Variants in FAM163A observed in about 807,000 individuals in gnomAD.
FAM163A encodes the protein family with sequence similarity 163 member A.
A neutral mutation model predicts 12.0 loss-of-function variants in FAM163A; 7 were observed. The observed-to-expected ratio is 0.58, with a 90% CI of 0.33 to 1.10. The LOEUF (loss-of-function observed/expected upper bound fraction) is 1.10, where lower values mean the gene tolerates loss of function less well. Among genes scored for constraint, FAM163A ranks in the 50% least tolerant of loss-of-function variants. The pLI is 0.03. For synonymous variants in FAM163A, 101 were observed against 91.0 expected (o/e 1.11, Z -0.62); for missense variants, 202 against 218.6 (o/e 0.92, Z 0.48).
intron 1 of FAM163A, among the ~76,000 whole-genome samples, chr1:179,764,964 A>G (rs929848644): frequency 3.9e-5 from 6 of 152,258 alleles, no homozygotes; most frequent in Admixed American, 1.3e-4. Flanking sequence ...ATTGTTAGCC[A>G]TGATTACTTT....
intron 1 of FAM163A, among the ~76,000 whole-genome samples, chr1:179,776,034 T>A (rs1688919686): frequency 6.6e-6 from 1 of 152,130 alleles, no homozygotes; most frequent in Non-Finnish European, 1.5e-5. Context: ...GGGAGATTGT[T>A]ACATATGAGG....
At position 179,814,709 on chromosome 1, in the gene FAM163A, T is replaced by TC. The variant is rs1488639421; in HGVS notation, c.*522dup. On this transcript the variant is annotated 3_prime_UTR_variant, in exon 5 of 5. Coordinates refer to ENST00000341785, the MANE Select transcript of FAM163A (RefSeq NM_173509.3). Reference sequence around the variant, plus strand: ...TTCAGGACGCGCTTGCTGAAACGACTCCAACAGCTAGTTCACAGCCCAGCT... The same window carrying TC: ...TTCAGGACGCGCTTGCTGAAACGACTCCCAACAGCTAGTTCACAGCCCAGCT... The TC allele has an allele frequency of 6.4e-6, 1 of 156,600 alleles. No individual in the cohort carries two copies. The highest frequency in any genetic ancestry group is 1.4e-5 in the Non-Finnish European group (1 of 70,806). The allele number at this position is 156,600 out of a possible 1,614,324, so 9.7% of individuals were successfully genotyped here. A position where few individuals can be genotyped will look rare whatever the true frequency, so the allele number is the denominator to read the frequency against.
intron 1 of FAM163A, among the ~76,000 whole-genome samples, chr1:179,755,408 A>T (rs1685876990): frequency 6.6e-6 from 1 of 152,122 alleles, no homozygotes; most frequent in Admixed American, 6.5e-5. Flanking sequence ...GGCATTACGG[A>T]GATTTTTAAA....
the FAM163A span, among the ~76,000 whole-genome samples, chr1:179,735,434 A>G: frequency 6.6e-6 from 1 of 150,720 alleles, no homozygotes; most frequent in South Asian, 2.1e-4. Flanking sequence ...TGGCTCACCA[A>G]AGGTATGGAT....
chr1:179,795,002 A>G (rs1692070612), intron 1 of FAM163A, among the ~76,000 whole-genome samples: 1 of 152,124 alleles, frequency 6.6e-6, no homozygotes, highest in Non-Finnish European at 1.5e-5. Context: ...AACTCTAACC[A>G]CCACCACCTG....
the FAM163A span, among the ~76,000 whole-genome samples, chr1:179,728,127 T>C: frequency 6.6e-6 from 1 of 152,190 alleles, no homozygotes; most frequent in South Asian, 2.1e-4. Flanking sequence ...GCCCAGTGCC[T>C]GTCACATAGT....
At chr1:179,743,713 C>T (rs1483925129) in intron 1 of FAM163A, among the ~76,000 whole-genome samples, 1 of 152,182 alleles carries the variant, frequency 6.6e-6, no homozygotes, top group African/African-American at 2.4e-5. Flanking sequence ...GGGGCATCTC[C>T]GGCCTCGTGG....
rs747756205 is a variant in FAM163A at position 179,781,663 on chromosome 1, C to T, written c.-135-26135C>T. ...TTAAAAATGACGTCTTGGCCAGGCG[C>T]GGTGGCTCATGCCTGTAATCCCAGC... On this transcript the variant is annotated intron_variant, in intron 1 of 4. Transcript: ENST00000341785. Among the ~76,000 whole-genome samples, 73 of 152,078 alleles carry T rather than the reference C, an allele frequency of 4.8e-4. 1 individual carries two copies. The highest frequency in any genetic ancestry group is 9.6e-4 in the Non-Finnish European group (65 of 68,010).
upstream of FAM163A, among the ~76,000 whole-genome samples, chr1:179,738,940 A>G (rs887903421): frequency 6.6e-6 from 1 of 152,322 alleles, no homozygotes; most frequent in Non-Finnish European, 1.5e-5. Context: ...TTCAGTAATC[A>G]AGACTGTATG....
Position 179,814,192 on chromosome 1 carries a change from C to G in FAM163A, c.*3C>G, listed in dbSNP as rs765529608. 6.2e-7 allele frequency: 1 copy of G among 1,602,664 alleles called. No individual in the cohort carries two copies. The highest frequency in any genetic ancestry group is 1.1e-5 in the South Asian group (1 of 89,530). ...GGGCTATTAGTACAGACGTGTAAAT[C>G]CTTCCACCCCGACCCGCACACACAC... On this transcript the variant is annotated 3_prime_UTR_variant, in exon 5 of 5. Coordinates refer to ENST00000341785, the MANE Select transcript of FAM163A (RefSeq NM_173509.3).
At chr1:179,813,328 A>G in intron 4 of FAM163A, 138 bp downstream of exon 4, 1 of 859,830 alleles carries the variant, frequency 1.2e-6, no homozygotes, top group Non-Finnish European at 1.8e-6. Context: ...TAAGTCAAGG[A>G]GGATGGGAGT....
chr1:179,808,527 C>T (rs1370963129), intron 2 of FAM163A, among the ~76,000 whole-genome samples: 26 of 152,216 alleles, frequency 1.7e-4, no homozygotes. Context: ...AGTCCCCAGC[C>T]AGGAATTGGC....
intron 4 of FAM163A, 113 bp from the exon 5 acceptor site, chr1:179,813,666 C>T: frequency 7.9e-7 from 1 of 1,261,838 alleles, no homozygotes; most frequent in Non-Finnish European, 1.1e-6. Context: ...GGTTCAGTGC[C>T]TGGCACTAGG....
At chr1:179,803,207 A>T (rs545821510) in intron 1 of FAM163A, among the ~76,000 whole-genome samples, 1 of 152,194 alleles carries the variant, frequency 6.6e-6, no homozygotes, top group African/African-American at 2.4e-5. Context: ...AAGTTAATAA[A>T]TGATTAGAGA....
intron 1 of FAM163A, among the ~76,000 whole-genome samples, chr1:179,774,765 C>G (rs1018296825): frequency 6.6e-6 from 1 of 152,136 alleles, no homozygotes; most frequent in African/African-American, 2.4e-5. Context: ...TGTTTCCACC[C>G]GCAGACCCTG....
At position 179,814,277 on chromosome 1, in the gene FAM163A, A is replaced by G. The variant is rs1376653558; in HGVS notation, c.*88A>G. ...ATGAATGACCCTCCAACAGCCCCAC[A>G]TGGGTTGTTTCTGTTTCTTTGGCTT... is the stretch of plus-strand genomic sequence containing the variant. On this transcript the variant is annotated 3_prime_UTR_variant, in exon 5 of 5. Coordinates refer to ENST00000341785, the MANE Select transcript of FAM163A (RefSeq NM_173509.3). 13 of 1,463,680 alleles carry G rather than the reference A, an allele frequency of 8.9e-6. No homozygotes were observed. Among genetic ancestry groups the G allele is most frequent in the Non-Finnish European group, 1.2e-5 (13 of 1,092,820 alleles). The allele number at this position is 1,463,680 out of a possible 1,614,324, so 90.7% of individuals were successfully genotyped here. A position where few individuals can be genotyped will look rare whatever the true frequency, so the allele number is the denominator to read the frequency against.
At chr1:179,795,424 C>G (rs1354387847) in intron 1 of FAM163A, among the ~76,000 whole-genome samples, 2 of 152,158 alleles carry the variant, frequency 1.3e-5, no homozygotes, top group Non-Finnish European at 2.9e-5. Flanking sequence ...AGGGCTGTGC[C>G]TTTGTAAAGG....
chr1:179,735,495 C>CTTT, the FAM163A span, among the ~76,000 whole-genome samples: 891 of 62,162 alleles, frequency 0.014, 235 homozygotes, highest in African/African-American at 0.026. Context: ...GAGTTACATT[C>CTTT]TTTTTTTTTT....
intron 1 of FAM163A, among the ~76,000 whole-genome samples, chr1:179,783,125 G>C (rs1328506544): frequency 1.7e-5 from 2 of 118,298 alleles, no homozygotes; most frequent in African/African-American, 7.0e-5. Context: ...GTGAAACTCC[G>C]TCTTAAAAAA....
Sources: allele counts gnomAD v4.1 joint callset (sites outside exome capture counted in the v4.1 genomes callset), GRCh38; gene constraint gnomAD v4.1.1; transcripts MANE v1.5; gene names NCBI Gene and HGNC (gene_info 2026-07-23, HGNC 2026-07-21).